ALOX5: variants seen among roughly 807,000 people sequenced by gnomAD.
The protein encoded by ALOX5 is polyunsaturated fatty acid 5-lipoxygenase.
ALOX5 carries 64 observed loss-of-function variants against 87.9 expected under a neutral mutation model. That is an observed-to-expected ratio of 0.73 (90% CI 0.60 to 0.90). The LOEUF is 0.90. Ranked by LOEUF, ALOX5 falls within the 40% of genes least tolerant of loss-of-function variation. The pLI, the probability that ALOX5 is intolerant of heterozygous loss-of-function variation, is 0.00. For synonymous variants in ALOX5, 388 were observed against 355.1 expected (o/e 1.09, Z -1.04); for missense variants, 822 against 907.5 (o/e 0.91, Z 1.21).
At chr10:45,391,960 C>T (rs905886152) in intron 2 of ALOX5, among the ~76,000 whole-genome samples, 2 of 151,438 alleles carry the variant, frequency 1.3e-5, no homozygotes, top group Non-Finnish European at 2.9e-5. Flanking sequence ...CGTCTCCGCC[C>T]GGCAGCCACC....
intron 3 of ALOX5, among the ~76,000 whole-genome samples, chr10:45,410,473 G>T (rs1432750657): frequency 2.0e-5 from 3 of 152,160 alleles, no homozygotes; most frequent in African/African-American, 7.2e-5. Flanking sequence ...GAAAACACTT[G>T]ACAAAATGCC....
At chr10:45,436,833 G>A (rs1243481736) in intron 7 of ALOX5, among the ~76,000 whole-genome samples, 1 of 152,124 alleles carries the variant, frequency 6.6e-6, no homozygotes, top group Admixed American at 6.5e-5. Flanking sequence ...TCTGTAGATT[G>A]CTTTCTTCCA....
In ALOX5 at chr10:45,417,313, C is replaced by T. The variant is rs182615502; in HGVS notation, c.554+5000C>T. On this transcript the variant is annotated intron_variant, in intron 4 of 13. Coordinates refer to ENST00000374391, the MANE Select transcript of ALOX5 (RefSeq NM_000698.5). ...TGTTACAGACTCCATGCTGCCCACT[C>T]TGCACAAACTGTGGAACCAGGGGAA... Among the ~76,000 whole-genome samples the T allele has an allele frequency of 3.7e-4, 56 of 152,304 alleles. No homozygotes were observed. The East Asian group carries it at 0.01, about 28-fold the overall frequency.
chr10:45,426,458 G>A (rs1418190842), intron 6 of ALOX5, among the ~76,000 whole-genome samples: 2 of 152,154 alleles, frequency 1.3e-5, no homozygotes, highest in South Asian at 2.1e-4. Context: ...AGTCATTCAC[G>A]CTGCCCATCT....
intron 7 of ALOX5, among the ~76,000 whole-genome samples, chr10:45,430,150 G>C (rs1841860802): frequency 6.6e-6 from 1 of 152,188 alleles, no homozygotes; most frequent in Non-Finnish European, 1.5e-5. Flanking sequence ...CACTGATGGT[G>C]CCTTCAAAAG....
At position 45,428,772 on chromosome 10, in the gene ALOX5, G is replaced by C. The variant is rs1002083806; in HGVS notation, c.981+8G>C. ...GTCCCCATTGCCATCCAGGTAGGCT[G>C]CTGGGGGGCACACCTTTCTGAGCAG... is the stretch of plus-strand genomic sequence containing the variant. On this transcript the variant is annotated splice_region_variant and intron_variant, in intron 7 of 13. Transcript: ENST00000374391. The C allele has an allele frequency of 2.9e-5, 47 of 1,613,470 alleles. No individual in the cohort carries two copies. The East Asian group carries it at 1.0e-3, about 34-fold the overall frequency.
intron 6 of ALOX5, among the ~76,000 whole-genome samples, chr10:45,428,203 T>C (rs1841797643): frequency 2.4e-5 from 3 of 125,826 alleles, no homozygotes; most frequent in African/African-American, 9.1e-5. Context: ...GGGAGACCCC[T>C]GTCCTGGCTC....
At chr10:45,428,254 G>C in intron 6 of ALOX5, 1 of 252,828 alleles carries the variant, frequency 4.0e-6, no homozygotes, top group Non-Finnish European at 7.6e-6. Context: ...TATGTGTAGA[G>C]TCCGGCAGCA....
intron 9 of ALOX5, 92 bp from the exon 10 acceptor site, chr10:45,442,946 C>G: frequency 1.4e-6 from 2 of 1,395,804 alleles, no homozygotes; most frequent in Non-Finnish European, 1.9e-6. Context: ...CCTGCCTGGC[C>G]TCCTCGCCTC....
Position 45,412,394 on chromosome 10 carries a change from A to G in ALOX5, c.554+81A>G, listed in dbSNP as rs1231553402. 1.1e-5 allele frequency: 17 copies of G among 1,561,508 alleles called. 1 individual carries two copies. The South Asian group carries it at 1.8e-4, about 16-fold the overall frequency. On this transcript the variant is annotated intron_variant, in intron 4 of 13. Coordinates refer to ENST00000374391, the MANE Select transcript of ALOX5 (RefSeq NM_000698.5). ...GGGTGGAACCCTCACTCCTTTCCTC[A>G]TGGGGTCCTTGGGTTGGGGGAACAG...
At chr10:45,397,352 C>G (rs1840550214) in intron 3 of ALOX5, among the ~76,000 whole-genome samples, 1 of 152,150 alleles carries the variant, frequency 6.6e-6, no homozygotes, top group East Asian at 1.9e-4. Flanking sequence ...TGCACTCCAG[C>G]ATGGTGACAA....
In ALOX5 at chr10:45,443,278, G is replaced by A. The variant is rs913200890; in HGVS notation, c.1451+62G>A. ...CCGGGACCCCTGCCTGACTACCTGGGGCGGGCCTGGCCCCTCCACCGCTAG... is the reference window on the plus strand; with the variant it reads ...CCGGGACCCCTGCCTGACTACCTGGAGCGGGCCTGGCCCCTCCACCGCTAG... On this transcript the variant is annotated intron_variant, in intron 10 of 13. Transcript: ENST00000374391. The A allele has an allele frequency of 2.5e-6, 4 of 1,587,730 alleles. No individual in the cohort carries two copies. The Admixed American group carries it at 5.1e-5, about 20-fold the overall frequency.
chr10:45,379,581 C>G (rs2132670167), intron 1 of ALOX5, among the ~76,000 whole-genome samples: 1 of 152,294 alleles, frequency 6.6e-6, no homozygotes, highest in East Asian at 1.9e-4. Flanking sequence ...CACGAAGTGG[C>G]CGTGACGCAG....
intron 3 of ALOX5, among the ~76,000 whole-genome samples, chr10:45,409,027 CTG>C (rs1304180372): frequency 2.6e-5 from 4 of 152,318 alleles, no homozygotes; most frequent in African/African-American, 9.6e-5. Context: ...TGTAACCTAA[CTG>C]GATGTGTAAA....
rs1443950831 is a variant in ALOX5 at position 45,421,416 on chromosome 10, C to T, written c.555-2625C>T. On this transcript the variant is annotated intron_variant, in intron 4 of 13. Transcript: ENST00000374391. ...CAGCACAGGACCTCTTTCTGGGGCA[C>T]CCTCTGGCACTGGGCCATCTTCAGG... Among the ~76,000 whole-genome samples the T allele has an allele frequency of 2.6e-5, 4 of 152,246 alleles. No homozygotes were observed. In the East Asian group the frequency reaches 7.7e-4, roughly 29 times the overall value.
At chr10:45,378,673 G>A (rs186653688) in intron 1 of ALOX5, among the ~76,000 whole-genome samples, 6 of 152,272 alleles carry the variant, frequency 3.9e-5, no homozygotes, top group Admixed American at 2.6e-4. Flanking sequence ...CTGGAAGGAG[G>A]CCTTTATCTG....
At chr10:45,426,974 G>A (rs971962583) in intron 6 of ALOX5, among the ~76,000 whole-genome samples, 1 of 152,198 alleles carries the variant, frequency 6.6e-6, no homozygotes, top group African/African-American at 2.4e-5. Context: ...CACTGATTCT[G>A]TGAGCCAGTG....
chr10:45,443,575 GC>G, intron 11 of ALOX5, 38 bp downstream of exon 11: 1 of 1,598,746 alleles, frequency 6.3e-7, no homozygotes. Context: ...CGGCTCCCCC[GC>G]AGTCGGCAGC....
intron 3 of ALOX5, among the ~76,000 whole-genome samples, chr10:45,400,977 T>C (rs1006583941): frequency 6.6e-6 from 1 of 152,218 alleles, no homozygotes; most frequent in African/African-American, 2.4e-5. Context: ...TAAAGCTTTT[T>C]GGAAGATAAT....
Sources: allele counts gnomAD v4.1 joint callset (sites outside exome capture counted in the v4.1 genomes callset), GRCh38; gene constraint gnomAD v4.1.1; transcripts MANE v1.5; gene names NCBI Gene and HGNC (gene_info 2026-07-23, HGNC 2026-07-21).